Variants in PHF24 observed in about 807,000 individuals in gnomAD.
The protein encoded by PHF24 is PHD finger protein 24.
PHF24 carries 25 observed loss-of-function variants against 42.6 expected under a neutral mutation model. That is an observed-to-expected ratio of 0.59 (90% CI 0.43 to 0.82). The LOEUF is 0.82. Ranked by LOEUF, PHF24 falls within the 40% of genes least tolerant of loss-of-function variation. PHF24 has a pLI of 0.00. For synonymous variants in PHF24, 185 were observed against 204.8 expected (o/e 0.90, Z 0.83); for missense variants, 470 against 538.1 (o/e 0.87, Z 1.25).
chr9:34,706,894 G>A, the PHF24 span, among the ~76,000 whole-genome samples: 12 of 152,016 alleles, frequency 7.9e-5, no homozygotes, highest in Admixed American at 4.6e-4. Context: ...GGAGCCTGAG[G>A]CAGGAGGATC....
chr9:34,826,222 A>G, the PHF24 span, among the ~76,000 whole-genome samples: 1 of 152,190 alleles, frequency 6.6e-6, no homozygotes, highest in African/African-American at 2.4e-5. Flanking sequence ...AAGCCTGGTC[A>G]GCCCTGTGAG....
the PHF24 span, among the ~76,000 whole-genome samples, chr9:34,676,702 A>C: frequency 6.6e-6 from 1 of 152,256 alleles, no homozygotes; most frequent in African/African-American, 2.4e-5. Flanking sequence ...CAGTTCTGCA[A>C]GCAATACAGG....
At chr9:34,784,979 T>C in the PHF24 span, among the ~76,000 whole-genome samples, 1 of 152,236 alleles carries the variant, frequency 6.6e-6, no homozygotes, top group African/African-American at 2.4e-5. Flanking sequence ...CTTTTAAAAA[T>C]GTGAATACAC....
chr9:34,906,881 A>G, the PHF24 span, among the ~76,000 whole-genome samples: 1 of 152,216 alleles, frequency 6.6e-6, no homozygotes, highest in African/African-American at 2.4e-5. Flanking sequence ...TGTCATCACC[A>G]CACCCAGACA....
At chr9:34,903,579 C>A in the PHF24 span, among the ~76,000 whole-genome samples, 1 of 152,174 alleles carries the variant, frequency 6.6e-6, no homozygotes, top group Admixed American at 6.5e-5. Flanking sequence ...AATAAAATGA[C>A]ATGAAATAAA....
the PHF24 span, among the ~76,000 whole-genome samples, chr9:34,736,947 A>G: frequency 6.6e-6 from 1 of 152,228 alleles, no homozygotes; most frequent in African/African-American, 2.4e-5. Context: ...TTTTCAGGCC[A>G]CTAGGGTTTC....
At chr9:34,942,913 T>C in the PHF24 span, among the ~76,000 whole-genome samples, 1 of 152,110 alleles carries the variant, frequency 6.6e-6, no homozygotes, top group African/African-American at 2.4e-5. Context: ...GACGAGTTAA[T>C]GGGTGCAGCA....
the PHF24 span, among the ~76,000 whole-genome samples, chr9:34,763,224 A>G: frequency 3.3e-5 from 5 of 152,164 alleles, no homozygotes; most frequent in Admixed American, 6.5e-5. Context: ...GTTTTTTCCA[A>G]TTCTGTGAAG....
the PHF24 span, chr9:34,724,451 A>G: frequency 1.1e-5 from 17 of 1,551,434 alleles, no homozygotes; most frequent in Admixed American, 7.8e-5. Context: ...TAGACTTTCA[A>G]GAGACTTCTG....
At chr9:34,694,110 C>G in the PHF24 span, among the ~76,000 whole-genome samples, 2 of 146,314 alleles carry the variant, frequency 1.4e-5, no homozygotes, top group African/African-American at 5.0e-5. Flanking sequence ...GCCCACTGAT[C>G]TACAGTGATC....
chr9:34,783,349 A>C, the PHF24 span, among the ~76,000 whole-genome samples: 1 of 152,214 alleles, frequency 6.6e-6, no homozygotes, highest in African/African-American at 2.4e-5. Context: ...TTGAGAACTG[A>C]AACCATTTAC....
intron 1 of PHF24, among the ~76,000 whole-genome samples, chr9:34,970,949 T>G (rs544797784): frequency 5.9e-5 from 9 of 152,158 alleles, no homozygotes; most frequent in Non-Finnish European, 1.2e-4. Context: ...TTGCAAGGCC[T>G]GTCAGAAATC....
At chr9:34,704,391 A>G in the PHF24 span, among the ~76,000 whole-genome samples, 1 of 152,222 alleles carries the variant, frequency 6.6e-6, no homozygotes, top group Admixed American at 6.5e-5. Flanking sequence ...AGCCCTTAAA[A>G]TATTGACAAG....
At chr9:34,766,040 C>G in the PHF24 span, among the ~76,000 whole-genome samples, 9 of 152,186 alleles carry the variant, frequency 5.9e-5, no homozygotes, top group Non-Finnish European at 1.2e-4. Context: ...CCACTCTCTT[C>G]TGGCTTGTAG....
the PHF24 span, among the ~76,000 whole-genome samples, chr9:34,812,160 C>T: frequency 5.3e-5 from 8 of 152,120 alleles, no homozygotes; most frequent in African/African-American, 1.9e-4. Context: ...ATTACTTGAG[C>T]CTAGGACTTT....
chr9:34,752,724 A>G, the PHF24 span, among the ~76,000 whole-genome samples: 544 of 152,304 alleles, frequency 3.6e-3, 3 homozygotes, highest in African/African-American at 0.012. Context: ...CCAGACAAAG[A>G]CACATCAAAA....
At chr9:34,713,515 T>C in the PHF24 span, among the ~76,000 whole-genome samples, 1 of 152,042 alleles carries the variant, frequency 6.6e-6, no homozygotes, top group Non-Finnish European at 1.5e-5. Context: ...CCCCTGCTTG[T>C]TATAAGTGTC....
At chr9:34,798,279 A>G in the PHF24 span, among the ~76,000 whole-genome samples, 1 of 152,278 alleles carries the variant, frequency 6.6e-6, no homozygotes, top group Admixed American at 6.5e-5. Context: ...ACATTGTGTG[A>G]TGCTGAGATT....
chr9:34,879,809 A>G, the PHF24 span, among the ~76,000 whole-genome samples: 1 of 152,204 alleles, frequency 6.6e-6, no homozygotes, highest in Non-Finnish European at 1.5e-5. Context: ...TCCCCAATCT[A>G]GCAAGGCAGG....
Sources: allele counts gnomAD v4.1 joint callset (sites outside exome capture counted in the v4.1 genomes callset), GRCh38; gene constraint gnomAD v4.1.1; transcripts MANE v1.5; gene names NCBI Gene and HGNC (gene_info 2026-07-23, HGNC 2026-07-21).